Variants in TMTC1 observed in about 807,000 individuals in gnomAD.
The protein encoded by TMTC1 is protein O-mannosyl-transferase TMTC1.
A neutral mutation model predicts 104.8 loss-of-function variants in TMTC1; 73 were observed. The observed-to-expected ratio is 0.70, with a 90% CI of 0.58 to 0.85. The LOEUF is 0.85. Among genes scored for constraint, TMTC1 ranks in the 40% least tolerant of loss-of-function variants. The probability of loss-of-function intolerance (pLI) is 0.00; values close to 1 mark genes in which losing one functional copy is unlikely to be tolerated. For synonymous variants in TMTC1, 434 were observed against 428.7 expected, an observed-to-expected ratio of 1.01 and a Z score of -0.15; for missense variants, 1,035 against 1,096.1, an observed-to-expected ratio of 0.94 and a Z score of 0.79.
intron 5 of TMTC1, among the ~76,000 whole-genome samples, chr12:29,725,011 GTTCTTTT>G (rs1308960590): frequency 6.0e-5 from 7 of 115,760 alleles, no homozygotes; most frequent in African/African-American, 9.3e-5. Context: ...TATCTGCCAA[GTTCTTTT>G]TTTTTTTTTT....
Position 29,684,386 on chromosome 12 carries a change from G to A in TMTC1, c.939-51050C>T, listed in dbSNP as rs948480470. On this transcript the variant is annotated intron_variant, in intron 5 of 17. Coordinates refer to ENST00000539277, the MANE Select transcript of TMTC1 (RefSeq NM_001193451.2). ...ATTTCAGAAAAATTTTCTCATAGAG[G>A]AAATATATTTAGTTTATCTCATTTG... is the stretch of plus-strand genomic sequence containing the variant. Among the ~76,000 whole-genome samples the A allele has an allele frequency of 2.6e-5, 4 of 152,110 alleles. No homozygotes were observed. In the East Asian group the frequency reaches 5.8e-4, roughly 22 times the overall value.
intron 7 of TMTC1, among the ~76,000 whole-genome samples, chr12:29,602,921 A>AT (rs1946605131): frequency 6.6e-6 from 1 of 152,192 alleles, no homozygotes; most frequent in Admixed American, 6.5e-5. Flanking sequence ...TCAGTACTAC[A>AT]AAGAAAAGCT....
At chr12:29,662,466 A>G (rs1940075481) in intron 5 of TMTC1, among the ~76,000 whole-genome samples, 1 of 152,116 alleles carries the variant, frequency 6.6e-6, no homozygotes, top group South Asian at 2.1e-4. Context: ...CCTGGTCAAT[A>G]TGGTGAAACC....
chr12:29,606,991 C>T (rs561363220), intron 6 of TMTC1, among the ~76,000 whole-genome samples: 11 of 151,822 alleles, frequency 7.2e-5, no homozygotes, highest in South Asian at 6.3e-4. Flanking sequence ...CCCTCACTCA[C>T]GGACACCCGT....
chr12:29,659,859 A>T (rs1310830634), intron 5 of TMTC1: 5 of 1,495,750 alleles, frequency 3.3e-6, no homozygotes, highest in East Asian at 4.9e-5. Context: ...ACCAAGTTTT[A>T]AAAAAATTAT....
chr12:29,669,711 A>C (rs796556252), intron 5 of TMTC1, among the ~76,000 whole-genome samples: 1 of 152,346 alleles, frequency 6.6e-6, no homozygotes, highest in South Asian at 2.1e-4. Context: ...TTGGTCATCA[A>C]TTTGGTATAT....
chr12:29,605,858 C>G (rs1452926539), intron 6 of TMTC1, among the ~76,000 whole-genome samples: 1 of 152,096 alleles, frequency 6.6e-6, no homozygotes, highest in Non-Finnish European at 1.5e-5. Context: ...CCCTTGCCTC[C>G]CTTTCCCCTC....
intron 9 of TMTC1, among the ~76,000 whole-genome samples, chr12:29,560,865 A>T (rs984609877): frequency 6.6e-6 from 1 of 152,182 alleles, no homozygotes; most frequent in Non-Finnish European, 1.5e-5. Context: ...GTCCCTGGGA[A>T]GGAACACTTG....
At chr12:29,728,861 G>A (rs947509236) in intron 5 of TMTC1, among the ~76,000 whole-genome samples, 5 of 151,732 alleles carry the variant, frequency 3.3e-5, no homozygotes, top group African/African-American at 9.7e-5. Flanking sequence ...ACCTGGGTGT[G>A]GGGGCTGGTG....
At chr12:29,580,843 A>G (rs1945959625) in intron 8 of TMTC1, among the ~76,000 whole-genome samples, 1 of 152,130 alleles carries the variant, frequency 6.6e-6, no homozygotes, top group African/African-American at 2.4e-5. Context: ...CTATATTATA[A>G]TGAAATATGT....
chr12:29,556,098 G>A (rs1447720963), intron 10 of TMTC1, among the ~76,000 whole-genome samples: 2 of 150,640 alleles, frequency 1.3e-5, no homozygotes, highest in Non-Finnish European at 2.9e-5. Flanking sequence ...TACCACCACC[G>A]TTACTACTAT....
intron 5 of TMTC1, among the ~76,000 whole-genome samples, chr12:29,710,528 AAT>A (rs551736686): frequency 6.8e-6 from 1 of 146,132 alleles, no homozygotes; most frequent in African/African-American, 2.5e-5. Context: ...ATATATATAA[AAT>A]ATATATATCC....
At chr12:29,661,845 A>C (rs1332074151) in intron 5 of TMTC1, among the ~76,000 whole-genome samples, 3 of 152,178 alleles carry the variant, frequency 2.0e-5, no homozygotes. Context: ...CTTGGAACCA[A>C]ACTAGGTTAC....
chr12:29,544,159 C>T (rs34384320), intron 10 of TMTC1, among the ~76,000 whole-genome samples: 4,697 of 151,394 alleles, frequency 0.031, 133 homozygotes, highest in South Asian at 0.079. Context: ...AGGAGAATCA[C>T]TTGAACCCAG....
chr12:29,741,546 G>A (rs1010488523), intron 5 of TMTC1, among the ~76,000 whole-genome samples: 7 of 152,140 alleles, frequency 4.6e-5, no homozygotes, highest in South Asian at 2.1e-4. Context: ...AAGGGACATC[G>A]CAAATCAGAA....
intron 5 of TMTC1, among the ~76,000 whole-genome samples, chr12:29,687,549 G>A (rs1019673336): frequency 1.3e-5 from 2 of 148,646 alleles, no homozygotes; most frequent in East Asian, 2.2e-4. Context: ...TTAAAACAAC[G>A]GACACAGTCT....
intron 7 of TMTC1, among the ~76,000 whole-genome samples, chr12:29,592,047 A>G (rs1048303927): frequency 1.3e-5 from 2 of 152,248 alleles, no homozygotes; most frequent in African/African-American, 4.8e-5. Context: ...GTTGAATTAT[A>G]TGCAACAAAG....
chr12:29,585,410 A>G (rs957119269), intron 7 of TMTC1, among the ~76,000 whole-genome samples: 1 of 152,098 alleles, frequency 6.6e-6, no homozygotes, highest in Non-Finnish European at 1.5e-5. Flanking sequence ...CTCTGATGGT[A>G]GTTTCTTTTG....
Position 29,501,682 on chromosome 12 carries a change from A to G in TMTC1, c.*5164T>C, listed in dbSNP as rs1380246080. 3 of 152,232 alleles carry G rather than the reference A, an allele frequency of 2.0e-5. No homozygotes were observed. The highest frequency in any genetic ancestry group is 4.4e-5 in the Non-Finnish European group (3 of 68,044). The allele number at this position is 152,232 out of a possible 1,614,324, so 9.4% of individuals were successfully genotyped here. On this transcript the variant is annotated 3_prime_UTR_variant, in exon 18 of 18. Transcript: ENST00000539277. Reference sequence around the variant, plus strand: ...AAGAAACTACTGGATTTTTAGAAATAGACATGTCTCTCCAGGTAGGAGTCA... The same window carrying G: ...AAGAAACTACTGGATTTTTAGAAATGGACATGTCTCTCCAGGTAGGAGTCA...
Sources: gnomAD v4.1 joint callset for allele counts (sites outside exome capture counted in the v4.1 genomes callset) on GRCh38, gnomAD v4.1.1 for gene constraint, MANE v1.5 for transcripts, NCBI Gene and HGNC (gene_info 2026-07-23, HGNC 2026-07-21) for gene names.